The following DNAJC13 variants were observed in gnomAD, a reference collection of about 807,000 sequenced individuals.
DNAJC13 encodes DnaJ heat shock protein family (Hsp40) member C13, also known as dnaJ homolog subfamily C member 13.
Under a neutral mutation model 290.5 loss-of-function variants are expected in DNAJC13, and 75 were observed. That is an observed-to-expected ratio of 0.26 (90% CI 0.21 to 0.31). The LOEUF (loss-of-function observed/expected upper bound fraction) is 0.31. DNAJC13 is among the 10% of genes least tolerant of loss of function. The probability of loss-of-function intolerance (pLI) is 1.00; values close to 1 mark genes in which losing one functional copy is unlikely to be tolerated. For missense variants in DNAJC13, 2,260 were observed against 2,674.5 expected (o/e 0.85, Z 3.42); for synonymous variants, 862 against 892.0 (o/e 0.97, Z 0.60).
intron 39 of DNAJC13, 123 bp from the exon 40 acceptor site, chr3:132,502,166 A>G: frequency 4.0e-6 from 3 of 748,888 alleles, no homozygotes; most frequent in South Asian, 5.2e-5. Context: ...ATGTAAGAAG[A>G]GGTAAACATT....
chr3:132,419,922 T>C (rs759701684), intron 1 of DNAJC13, among the ~76,000 whole-genome samples: 11 of 152,336 alleles, frequency 7.2e-5, no homozygotes, highest in Admixed American at 1.3e-4. Context: ...TTATAAATAA[T>C]GTAACTACCT....
chr3:132,523,911 T>C, intron 51 of DNAJC13, 198 bp downstream of exon 51: 1 of 529,464 alleles, frequency 1.9e-6, no homozygotes, highest in Middle Eastern at 5.0e-4. Context: ...AGTATGTTTA[T>C]GAACCAAAGT....
chr3:132,500,787 T>C lies in DNAJC13; in HGVS notation c.4417-7T>C. ...CTGGTTTTTTTGCTCTGTTGTGTTG[T>C]CTGCAGGTGTGTGGATACATAAGTA... On this transcript the variant is annotated splice_polypyrimidine_tract_variant and splice_region_variant and intron_variant, in intron 38 of 55. Coordinates refer to ENST00000260818, the MANE Select transcript of DNAJC13 (RefSeq NM_015268.4). 6.2e-7 allele frequency: 1 copy of C among 1,613,798 alleles called. No homozygotes were observed. The highest frequency in any genetic ancestry group is 8.5e-7 in the Non-Finnish European group (1 of 1,179,778).
intron 24 of DNAJC13, among the ~76,000 whole-genome samples, chr3:132,478,796 C>CA (rs1377376154): frequency 1.3e-5 from 2 of 152,100 alleles, no homozygotes; most frequent in Non-Finnish European, 2.9e-5. Context: ...AACATTTGAA[C>CA]ATGGTGGAGG....
chr3:132,424,715 A>G (rs1231867198), intron 1 of DNAJC13, among the ~76,000 whole-genome samples: 1 of 152,092 alleles, frequency 6.6e-6, no homozygotes, highest in Non-Finnish European at 1.5e-5. Context: ...GGCTTTTTTT[A>G]TTCTTCAACG....
At chr3:132,460,389 G>A (rs781213930) in intron 14 of DNAJC13, 32 bp downstream of exon 14, 2 of 1,421,462 alleles carry the variant, frequency 1.4e-6, no homozygotes, top group Non-Finnish European at 9.9e-7. Context: ...CTTCATGGTA[G>A]ATACCATACC....
chr3:132,516,394 A>C (rs1234993234), intron 46 of DNAJC13, 28 bp from the exon 47 acceptor site: 14 of 1,610,504 alleles, frequency 8.7e-6, no homozygotes, highest in Non-Finnish European at 1.0e-5. Flanking sequence ...CTGATGATGC[A>C]TTCCTTGAAA....
intron 20 of DNAJC13, among the ~76,000 whole-genome samples, chr3:132,471,894 C>T (rs1934279310): frequency 6.9e-6 from 1 of 145,098 alleles, no homozygotes; most frequent in South Asian, 2.3e-4. Context: ...CCAAGGCAGG[C>T]GGCTGGGAGG....
chr3:132,486,356 C>G (rs1415486673), intron 29 of DNAJC13, among the ~76,000 whole-genome samples: 1 of 151,948 alleles, frequency 6.6e-6, no homozygotes, highest in Non-Finnish European at 1.5e-5. Flanking sequence ...AGATCAACCG[C>G]TCCCATTTTT....
At chr3:132,488,853 G>A (rs1036480991) in intron 30 of DNAJC13, 123 bp from the exon 31 acceptor site, 18 of 686,884 alleles carry the variant, frequency 2.6e-5, no homozygotes, top group Non-Finnish European at 4.4e-5. Context: ...TGGGAATATG[G>A]ATTTATGTGA....
intron 21 of DNAJC13, among the ~76,000 whole-genome samples, chr3:132,473,445 A>G (rs374748849): frequency 6.6e-6 from 1 of 152,236 alleles, no homozygotes; most frequent in East Asian, 1.9e-4. Context: ...AAATTACATT[A>G]AAGACTTTAT....
At chr3:132,500,653 A>C (rs1935378989) in intron 38 of DNAJC13, 141 bp from the exon 39 acceptor site, 2 of 1,175,652 alleles carry the variant, frequency 1.7e-6, no homozygotes, top group South Asian at 3.1e-5. Context: ...TGATCTAGTA[A>C]AGACATTCTG....
At chr3:132,418,531 G>GA (rs1394582461) in intron 1 of DNAJC13, among the ~76,000 whole-genome samples, 1 of 152,060 alleles carries the variant, frequency 6.6e-6, no homozygotes, top group African/African-American at 2.4e-5. Flanking sequence ...TTAGAGGGGG[G>GA]AAAAAAGTAA....
Position 132,473,222 on chromosome 3 carries a change from T to C in DNAJC13, c.2286T>C (p.Tyr762=), listed in dbSNP as rs751488543. ...IKIEANWDLF[Y]YRFGQDHARS... ...TAGAAGCAAATTGGGATCTCTTCTA[T>C]TATAGGTAAACTTTAGGTCTCTTTT... Residue 762 remains tyrosine, a synonymous_variant, in exon 21 of 56, where the codon TAT becomes TAC. Coordinates refer to ENST00000260818, the MANE Select transcript of DNAJC13 (RefSeq NM_015268.4). 2 of 1,594,794 alleles carry C rather than the reference T, an allele frequency of 1.3e-6. No individual in the cohort carries two copies. Among genetic ancestry groups the C allele is most frequent in the Admixed American group, 3.4e-5 (2 of 58,372 alleles).
At chr3:132,518,277 T>C (rs1017215011) in intron 48 of DNAJC13, among the ~76,000 whole-genome samples, 3 of 152,268 alleles carry the variant, frequency 2.0e-5, no homozygotes, top group African/African-American at 7.2e-5. Context: ...TGACTGTTTT[T>C]ACACTTAAAC....
chr3:132,495,252 C>A, intron 35 of DNAJC13, 86 bp downstream of exon 35: 1 of 994,836 alleles, frequency 1.0e-6, no homozygotes, highest in Non-Finnish European at 1.6e-6. Context: ...ACCTTCTGTG[C>A]CAGTATCTGC....
At chr3:132,460,149 C>A (rs1192676229) in intron 13 of DNAJC13, 101 bp from the exon 14 acceptor site, 1 of 669,702 alleles carries the variant, frequency 1.5e-6, no homozygotes. Context: ...GTTTTTAATT[C>A]TTTCAATGTG....
chr3:132,517,104 C>G (rs1935943749), intron 48 of DNAJC13, among the ~76,000 whole-genome samples: 1 of 152,188 alleles, frequency 6.6e-6, no homozygotes, highest in African/African-American at 2.4e-5. Context: ...AAGACTATGA[C>G]AGAAGATAGG....
At chr3:132,433,655 A>G (rs1283580545) in intron 1 of DNAJC13, among the ~76,000 whole-genome samples, 1 of 152,218 alleles carries the variant, frequency 6.6e-6, no homozygotes, top group Non-Finnish European at 1.5e-5. Flanking sequence ...AGCACTTAGT[A>G]GCTCACCAAA....
Sources: allele counts gnomAD v4.1 joint callset (sites outside exome capture counted in the v4.1 genomes callset), GRCh38; gene constraint gnomAD v4.1.1; transcripts MANE v1.5; gene names NCBI Gene and HGNC (gene_info 2026-07-23, HGNC 2026-07-21).